The following LY86 variants were observed in gnomAD, a reference collection of about 807,000 sequenced individuals.
LY86 encodes the protein MD-1, RP105-associated.
In LY86, 20 loss-of-function variants were observed where a neutral mutation model predicts 17.3. The observed-to-expected ratio is 1.15, with a 90% CI of 0.81 to 1.68. LY86 has a LOEUF of 1.68. LY86 is among the 40% of genes most tolerant of loss of function. The pLI is 0.00. For missense variants in LY86, 200 were observed against 191.9 expected (o/e 1.04, Z -0.25); for synonymous variants, 74 against 70.6 (o/e 1.05, Z -0.24).
At chr6:6,645,240 G>A (rs377241582) in intron 3 of LY86, among the ~76,000 whole-genome samples, 12 of 152,156 alleles carry the variant, frequency 7.9e-5, no homozygotes, top group African/African-American at 2.2e-4. Context: ...GTCTCATTGC[G>A]TATTTCAGCA....
intron 1 of LY86, among the ~76,000 whole-genome samples, chr6:6,590,065 C>G (rs370665842): frequency 1.4e-5 from 2 of 143,042 alleles, no homozygotes; most frequent in East Asian, 2.2e-4. Flanking sequence ...TTGCAGTGAG[C>G]CAAGATCGTG....
Position 6,624,956 on chromosome 6 carries a change from A to G in LY86, c.167A>G (p.Glu56Gly). Residue 56 changes from glutamate to glycine, a missense_variant, in exon 2 of 5, where the codon GAA becomes GGA. Transcript: ENST00000230568. ...TTACAAGATTTTGGCTTTTCTGTTG[A>G]AAAGTGTTCCAAGCAATTAAAATCA... ...DPLQDFGFSV[E>G]KCSKQLKSNI... The G allele has an allele frequency of 3.2e-6, 5 of 1,567,192 alleles. No individual in the cohort carries two copies. Among genetic ancestry groups the G allele is most frequent in the Non-Finnish European group, 4.4e-6 (5 of 1,144,200 alleles).
At chr6:6,651,774 G>A (rs1420563440) in intron 4 of LY86, among the ~76,000 whole-genome samples, 1 of 152,072 alleles carries the variant, frequency 6.6e-6, no homozygotes, top group Non-Finnish European at 1.5e-5. Context: ...TAAGTTGAGA[G>A]GCCAGGCACA....
At chr6:6,604,548 GAAAT>G (rs1761035163) in intron 1 of LY86, among the ~76,000 whole-genome samples, 1 of 152,084 alleles carries the variant, frequency 6.6e-6, no homozygotes, top group Admixed American at 6.5e-5. Context: ...CTACCACAGA[GAAAT>G]AAAACGAAAA....
chr6:6,648,157 T>C (rs1223601884), intron 3 of LY86, among the ~76,000 whole-genome samples: 3 of 152,128 alleles, frequency 2.0e-5, no homozygotes, highest in African/African-American at 7.2e-5. Flanking sequence ...ATTCGTGTTC[T>C]CTACCTCCAC....
intron 3 of LY86, among the ~76,000 whole-genome samples, chr6:6,629,365 A>T (rs1402446650): frequency 1.3e-5 from 2 of 152,258 alleles, no homozygotes; most frequent in African/African-American, 4.8e-5. Flanking sequence ...AACCTACTGC[A>T]GGAATGATTC....
In LY86 at chr6:6,608,671, C is replaced by A. The variant is rs968046806; in HGVS notation, c.137-16255C>A. 7.9e-5 allele frequency among the ~76,000 whole-genome samples: 12 copies of A among 152,232 alleles called. No individual in the cohort carries two copies. In the South Asian group the frequency reaches 1.0e-3, roughly 13 times the overall value. ...ACAGTTTTTAAATGTTCTGAAGACA[C>A]ATGAACAGATGGCAAAAAAAGGCTG... is the stretch of plus-strand genomic sequence containing the variant. On this transcript the variant is annotated intron_variant, in intron 1 of 4. Coordinates refer to ENST00000230568, the MANE Select transcript of LY86 (RefSeq NM_004271.4).
chr6:6,593,798 G>C (rs3761985), intron 1 of LY86, among the ~76,000 whole-genome samples: 4 of 152,060 alleles, frequency 2.6e-5, no homozygotes, highest in Admixed American at 2.0e-4. Flanking sequence ...TCTACTGAGA[G>C]GCCATGGTGA....
intron 3 of LY86, among the ~76,000 whole-genome samples, chr6:6,633,120 G>GATGTAC (rs1761917156): frequency 6.6e-6 from 1 of 152,200 alleles, no homozygotes; most frequent in South Asian, 2.1e-4. Flanking sequence ...TTGGTTGTAA[G>GATGTAC]ATGTACTGTG....
intron 3 of LY86, among the ~76,000 whole-genome samples, chr6:6,636,296 C>T (rs527606263): frequency 6.6e-6 from 1 of 152,312 alleles, no homozygotes; most frequent in East Asian, 1.9e-4. Context: ...GCCTCAGTTT[C>T]GTCATCTGTA....
At chr6:6,603,405 C>T (rs899083026) in intron 1 of LY86, among the ~76,000 whole-genome samples, 5 of 151,816 alleles carry the variant, frequency 3.3e-5, no homozygotes, top group Non-Finnish European at 7.4e-5. Context: ...ACTGTATGGG[C>T]AGTCTTCTTG....
intron 1 of LY86, among the ~76,000 whole-genome samples, chr6:6,604,427 CATTT>C (rs1373840956): frequency 1.3e-5 from 2 of 151,824 alleles, no homozygotes; most frequent in Non-Finnish European, 1.5e-5. Flanking sequence ...TAAAATGCAA[CATTT>C]AATTGTTGAA....
intron 3 of LY86, among the ~76,000 whole-genome samples, chr6:6,634,186 C>G (rs1046483996): frequency 1.3e-5 from 2 of 152,230 alleles, no homozygotes; most frequent in African/African-American, 4.8e-5. Context: ...ACATACCTCC[C>G]TGTGTGCAAA....
intron 1 of LY86, among the ~76,000 whole-genome samples, chr6:6,597,753 A>G (rs1760760473): frequency 6.6e-6 from 1 of 152,256 alleles, no homozygotes; most frequent in South Asian, 2.1e-4. Flanking sequence ...CCCTCAGCAG[A>G]AGTGAGTGGT....
At chr6:6,602,154 G>A (rs1358961808) in intron 1 of LY86, among the ~76,000 whole-genome samples, 6 of 152,142 alleles carry the variant, frequency 3.9e-5, no homozygotes, top group Non-Finnish European at 8.8e-5. Context: ...GTATCAAAAT[G>A]GTGTCACCAC....
At chr6:6,613,512 G>A (rs951644257) in intron 1 of LY86, among the ~76,000 whole-genome samples, 17 of 152,170 alleles carry the variant, frequency 1.1e-4, no homozygotes, top group East Asian at 5.8e-4. Context: ...CTCACTGCCC[G>A]GGGCTTGCTG....
At chr6:6,620,503 C>A (rs1401178487) in intron 1 of LY86, among the ~76,000 whole-genome samples, 1 of 152,204 alleles carries the variant, frequency 6.6e-6, no homozygotes, top group Non-Finnish European at 1.5e-5. Context: ...TACATCCAAG[C>A]TTTCCGGCTG....
In LY86 at chr6:6,630,776, C is replaced by A. The variant is rs80291435; in HGVS notation, c.352+4355C>A. ...CCTGTGCTTTCTGAAGCAATGACCA[C>A]AAGCCACAGGTCGCGACTGAGCCCT... On this transcript the variant is annotated intron_variant, in intron 3 of 4. Coordinates refer to ENST00000230568, the MANE Select transcript of LY86 (RefSeq NM_004271.4). Among the ~76,000 whole-genome samples the A allele has an allele frequency of 7.0e-3, 1,067 of 152,288 alleles. 11 individuals are homozygous for A. Among genetic ancestry groups the A allele is most frequent in the African/African-American group, 0.024 (1,009 of 41,556 alleles).
chr6:6,638,101 A>G (rs1761986940), intron 3 of LY86, among the ~76,000 whole-genome samples: 1 of 152,244 alleles, frequency 6.6e-6, no homozygotes, highest in Non-Finnish European at 1.5e-5. Flanking sequence ...ACGACTAAAT[A>G]GTCGGCACCA....
Sources: allele counts gnomAD v4.1 joint callset (sites outside exome capture counted in the v4.1 genomes callset), GRCh38; gene constraint gnomAD v4.1.1; transcripts MANE v1.5; gene names NCBI Gene and HGNC (gene_info 2026-07-23, HGNC 2026-07-21).